NSD1: variants seen among roughly 807,000 people sequenced by gnomAD.
NSD1 encodes histone-lysine N-methyltransferase, H3 lysine-36 specific.
In NSD1, 26 loss-of-function variants were observed where a neutral mutation model predicts 242.7. The observed-to-expected ratio is 0.11, with a 90% CI of 0.08 to 0.15. NSD1 has a LOEUF of 0.15. Among genes scored for constraint, NSD1 ranks in the 10% least tolerant of loss-of-function variants. The pLI, the probability that NSD1 is intolerant of heterozygous loss-of-function variation, is 1.00. For missense variants in NSD1, 2,495 were observed against 3,272.8 expected (o/e 0.76, Z 5.80); for synonymous variants, 1,106 against 1,178.1 (o/e 0.94, Z 1.25).
intron 2 of NSD1, among the ~76,000 whole-genome samples, chr5:177,152,155 T>A (rs1287727223): frequency 6.6e-6 from 1 of 151,778 alleles, no homozygotes; most frequent in Non-Finnish European, 1.5e-5. Flanking sequence ...CCACTGCACC[T>A]GGCCATGCCC....
At position 177,211,817 on chromosome 5, in the gene NSD1, G is replaced by A. The variant is rs1763367854; in HGVS notation, c.3418G>A (p.Val1140Ile). 6.2e-7 allele frequency: 1 copy of A among 1,614,196 alleles called. No homozygotes were observed. Among genetic ancestry groups the A allele is most frequent in the Admixed American group, 1.7e-5 (1 of 60,012 alleles). ...ENGKGPELDS[V>I]MNSENDELNG... The stretch of plus-strand genomic sequence containing the variant: ...CGGAAAAGGCCCAGAGCTGGACTCT[G>A]TAATGAACAGTGAGAATGATGAACT... The change falls in exon 5 of 23, where the codon GTA becomes ATA. Residue 1140 changes from valine (V) to isoleucine (I), a missense_variant. This residue lies in a region of NSD1 where 426 missense variants were observed against 411.4 expected (regional missense o/e 1.04). Coordinates refer to ENST00000439151, the MANE Select transcript of NSD1 (RefSeq NM_022455.5).
chr5:177,134,031 T>G lies in NSD1; in HGVS notation c.-18+79T>G. 7.1e-6 allele frequency: 1 copy of G among 141,046 alleles called. No homozygotes were observed. The highest frequency in any genetic ancestry group is 2.7e-5 in the African/African-American group (1 of 37,042). The allele number at this position is 141,046 out of a possible 1,614,324, so 8.7% of individuals were successfully genotyped here. A position where few individuals can be genotyped will look rare whatever the true frequency, so the allele number is the denominator to read the frequency against. On this transcript the variant is annotated intron_variant, in intron 1 of 22. Coordinates refer to ENST00000439151, the MANE Select transcript of NSD1 (RefSeq NM_022455.5). This position sits in a 1 kb window ranked among gnomAD's most constrained non-coding sequence, Gnocchi z 4.2. ...GAGGGTGGCCGGGCGGGGAAGATGGTGGTGGCCGTAAGGTGAGGGGCTCGG... is the reference window on the plus strand; with the variant it reads ...GAGGGTGGCCGGGCGGGGAAGATGGGGGTGGCCGTAAGGTGAGGGGCTCGG...
At chr5:177,145,091 A>C (rs1316946350) in intron 2 of NSD1, among the ~76,000 whole-genome samples, 1 of 151,874 alleles carries the variant, frequency 6.6e-6, no homozygotes, top group African/African-American at 2.4e-5. Flanking sequence ...TCTCAAAAAA[A>C]AAAAAAAAAA....
chr5:177,265,979 TC>T, intron 14 of NSD1: 2 of 1,073,598 alleles, frequency 1.9e-6, no homozygotes, highest in Non-Finnish European at 2.9e-6. Context: ...GTCCACCACA[TC>T]CACTAGGGTT....
At chr5:177,206,975 C>T (rs576713795) in intron 4 of NSD1, among the ~76,000 whole-genome samples, 11 of 151,484 alleles carry the variant, frequency 7.3e-5, no homozygotes, top group South Asian at 4.2e-4. Flanking sequence ...CTCACTCTGT[C>T]GCCCCAGCTG....
At chr5:177,261,117 C>A (rs1217639072) in intron 14 of NSD1, among the ~76,000 whole-genome samples, 1 of 152,092 alleles carries the variant, frequency 6.6e-6, no homozygotes, top group Non-Finnish European at 1.5e-5. Context: ...ACAATCTCGG[C>A]TCACTGCAAC....
chr5:177,218,228 T>G (rs1299594444), intron 5 of NSD1, among the ~76,000 whole-genome samples: 1 of 152,158 alleles, frequency 6.6e-6, no homozygotes, highest in South Asian at 2.1e-4. Flanking sequence ...TGTAATTTTT[T>G]GTTGAAACAA....
chr5:177,206,236 G>A (rs1762862264), intron 4 of NSD1, among the ~76,000 whole-genome samples: 1 of 152,150 alleles, frequency 6.6e-6, no homozygotes, highest in African/African-American at 2.4e-5. Context: ...CTGTCCTCAA[G>A]TGATCCATCT....
Position 177,289,938 on chromosome 5 carries a change from C to A in NSD1, c.6258+1013C>A, listed in dbSNP as rs528042416. 5.9e-5 allele frequency among the ~76,000 whole-genome samples: 9 copies of A among 151,648 alleles called. No homozygotes were observed. In the South Asian group the frequency reaches 1.7e-3, roughly 28 times the overall value. ...CGTCTCCCGGGTTCACGCCATTCTC[C>A]TGCCTCAGCCTCCTGAGTAGCTGGA... On this transcript the variant is annotated intron_variant, in intron 21 of 22. Coordinates refer to ENST00000439151, the MANE Select transcript of NSD1 (RefSeq NM_022455.5).
chr5:177,175,436 G>C (rs977028423), intron 2 of NSD1, among the ~76,000 whole-genome samples: 1 of 151,898 alleles, frequency 6.6e-6, no homozygotes, highest in Middle Eastern at 3.4e-3. Context: ...AACCAGCCTC[G>C]GCAACATGGC....
intron 12 of NSD1, among the ~76,000 whole-genome samples, chr5:177,253,521 G>T (rs1756174631): frequency 6.6e-6 from 1 of 152,142 alleles, no homozygotes; most frequent in African/African-American, 2.4e-5. Flanking sequence ...CCATTCATCT[G>T]TTGATAGACA....
In NSD1 at chr5:177,295,561, C is replaced by A; in HGVS notation, c.*102C>A. 1 of 1,192,010 alleles carries A rather than the reference C, an allele frequency of 8.4e-7. No individual in the cohort carries two copies. 73.8% of individuals were successfully genotyped at this position (1,192,010 alleles called of 1,614,324 possible). A position where few individuals can be genotyped will look rare whatever the true frequency, so the allele number is the denominator to read the frequency against. On this transcript the variant is annotated 3_prime_UTR_variant, in exon 23 of 23. Coordinates refer to ENST00000439151, the MANE Select transcript of NSD1 (RefSeq NM_022455.5). The surrounding 1 kb of genome is among the most constrained non-coding windows in gnomAD (Gnocchi z 4.3). The stretch of plus-strand genomic sequence containing the variant: ...CCCCTTAAAAAAAAACACATCTGCC[C>A]CGAACACTTTCCCACTGTTATTCTT...
chr5:177,289,830 T>A (rs924692269), intron 21 of NSD1, among the ~76,000 whole-genome samples: 1 of 147,134 alleles, frequency 6.8e-6, no homozygotes, highest in Non-Finnish European at 1.5e-5. Context: ...TGTTGTTGTT[T>A]TGTGTTTTTT....
intron 13 of NSD1, among the ~76,000 whole-genome samples, chr5:177,259,219 T>C (rs1756789405): frequency 6.6e-6 from 1 of 152,240 alleles, no homozygotes; most frequent in Admixed American, 6.5e-5. Flanking sequence ...GGAGGTAAAA[T>C]TTAGCAGTGT....
rs527296115 is a variant in NSD1, at chr5:177,199,899, C to T, written c.1064-4221C>T. Among the ~76,000 whole-genome samples, 43 of 151,930 alleles carry T rather than the reference C, an allele frequency of 2.8e-4. No homozygotes were observed. In the South Asian group the frequency reaches 9.0e-3, roughly 32 times the overall value. ...AGCGAGCCACCACGCCCGGCCTCAA[C>T]TTAATATTTTCAGCTTATAATGGGT... On this transcript the variant is annotated intron_variant, in intron 3 of 22. Transcript: ENST00000439151.
intron 2 of NSD1, among the ~76,000 whole-genome samples, chr5:177,151,221 C>T (rs1757669714): frequency 6.6e-6 from 1 of 152,018 alleles, no homozygotes; most frequent in Non-Finnish European, 1.5e-5. Flanking sequence ...ACTAAAAATA[C>T]AAAAATTAGC....
chr5:177,158,070 A>T (rs568824924), intron 2 of NSD1, among the ~76,000 whole-genome samples: 4 of 152,258 alleles, frequency 2.6e-5, no homozygotes, highest in Admixed American at 2.6e-4. Flanking sequence ...AATTTGTATT[A>T]AAGTTTTAGC....
At position 177,210,489 on chromosome 5, in the gene NSD1, A is replaced by C; in HGVS notation, c.2090A>C (p.Lys697Thr). 1 of 1,614,194 alleles carries C rather than the reference A, an allele frequency of 6.2e-7. No homozygotes were observed. The highest frequency in any genetic ancestry group is 8.5e-7 in the Non-Finnish European group (1 of 1,180,038). The change falls in exon 5 of 23, where the codon AAA (lysine) becomes ACA (threonine). Residue 697 changes from lysine to threonine, a missense_variant. Coordinates refer to ENST00000439151, the MANE Select transcript of NSD1 (RefSeq NM_022455.5). Reference sequence around the variant, plus strand: ...TTTGCTGCCACAAACACTAGGGTAAAAGCAAAACAGAAGCCTCTCATTAGT... The same window carrying C: ...TTTGCTGCCACAAACACTAGGGTAACAGCAAAACAGAAGCCTCTCATTAGT... ...SRFAATNTRV[K>T]AKQKPLISNS...
At chr5:177,260,355 T>A (rs1482669665) in intron 14 of NSD1, among the ~76,000 whole-genome samples, 187 bp downstream of exon 14, 1 of 147,678 alleles carries the variant, frequency 6.8e-6, no homozygotes, top group Non-Finnish European at 1.5e-5. Flanking sequence ...TTTTTTTTTT[T>A]TTTTTTTTTG....
Sources: gnomAD v4.1 joint callset for allele counts (sites outside exome capture counted in the v4.1 genomes callset) on GRCh38, gnomAD v4.1.1 for gene constraint, gnomAD v4.1.1 regional missense constraint, Gnocchi (gnomAD v3.1) non-coding constraint, MANE v1.5 for transcripts, NCBI Gene and HGNC (gene_info 2026-07-23, HGNC 2026-07-21) for gene names.